Variants in RBFOX1 observed in about 807,000 individuals in gnomAD.
RBFOX1 encodes the protein RNA binding fox-1 homolog 1.
Under a neutral mutation model 57.7 loss-of-function variants are expected in RBFOX1, and 8 were observed. The observed-to-expected ratio is 0.14, with a 90% CI of 0.08 to 0.25. The LOEUF (loss-of-function observed/expected upper bound fraction) is 0.25. Among genes scored for constraint, RBFOX1 ranks in the 10% least tolerant of loss-of-function variants. The pLI is 1.00. For missense variants in RBFOX1, 611 were observed against 548.5 expected (o/e 1.11, Z -1.14); for synonymous variants, 326 against 222.4 (o/e 1.47, Z -4.15).
chr16:7,702,692 A>T (rs766327262), intron 14 of RBFOX1, among the ~76,000 whole-genome samples: 2 of 152,254 alleles, frequency 1.3e-5, no homozygotes, highest in African/African-American at 4.8e-5. Flanking sequence ...AGCCCCTGAG[A>T]ATTGCTGAAA....
chr16:6,697,908 C>G (rs570910213), intron 3 of RBFOX1, among the ~76,000 whole-genome samples: 6 of 152,252 alleles, frequency 3.9e-5, no homozygotes, highest in South Asian at 2.1e-4. Flanking sequence ...GGCCAGAAGA[C>G]CAAAAGTCTC....
At chr16:5,874,432 G>C (rs886558935) in intron 4 of RBFOX1, among the ~76,000 whole-genome samples, 3 of 152,178 alleles carry the variant, frequency 2.0e-5, no homozygotes, top group Non-Finnish European at 2.9e-5. Flanking sequence ...GTGTTCTTGA[G>C]GCTGTTGTGT....
intron 1 of RBFOX1, among the ~76,000 whole-genome samples, chr16:5,436,464 A>G (rs574146799): frequency 6.6e-6 from 1 of 152,212 alleles, no homozygotes; most frequent in African/African-American, 2.4e-5. Flanking sequence ...ATTACTAAGA[A>G]GTACTTCTCT....
intron 2 of RBFOX1, among the ~76,000 whole-genome samples, chr16:6,395,448 A>G (rs2092786624): frequency 6.6e-6 from 1 of 152,148 alleles, no homozygotes; most frequent in Non-Finnish European, 1.5e-5. Flanking sequence ...ATGGCTCTGT[A>G]ACTTTCTACC....
At chr16:5,435,183 C>T (rs760939585) in intron 1 of RBFOX1, among the ~76,000 whole-genome samples, 5 of 152,222 alleles carry the variant, frequency 3.3e-5, no homozygotes, top group African/African-American at 7.2e-5. Context: ...CCCCTGTTTA[C>T]GCTCTTGGTG....
intron 3 of RBFOX1, among the ~76,000 whole-genome samples, chr16:7,040,571 A>C (rs899773784): frequency 3.3e-5 from 5 of 152,166 alleles, no homozygotes; most frequent in Non-Finnish European, 7.4e-5. Flanking sequence ...CTTCTTCTCC[A>C]CTATTGGTCT....
intron 5 of RBFOX1, among the ~76,000 whole-genome samples, chr16:7,530,740 G>C (rs1379598572): frequency 6.6e-6 from 1 of 152,204 alleles, no homozygotes; most frequent in Non-Finnish European, 1.5e-5. Context: ...CTAGGTCCAA[G>C]TGACTGTACA....
intron 1 of RBFOX1, among the ~76,000 whole-genome samples, chr16:6,094,142 C>G (rs895708952): frequency 2.0e-5 from 3 of 152,130 alleles, no homozygotes; most frequent in African/African-American, 7.2e-5. Flanking sequence ...CCAGTTTTGA[C>G]CTGAGCTTTG....
chr16:7,572,946 CCA>C lies in RBFOX1; in HGVS notation c.271-6828_271-6827del, dbSNP rs370923971. ...TAGAGGGTTTCAGTGAACAGAAAAGCCACAGTCTCTGCTCTCCTCGAGTTACA... is the reference window on the plus strand; with the variant it reads ...TAGAGGGTTTCAGTGAACAGAAAAGCCAGTCTCTGCTCTCCTCGAGTTACA... On this transcript the variant is annotated intron_variant, in intron 5 of 15. Coordinates refer to ENST00000550418, the MANE Select transcript of RBFOX1 (RefSeq NM_018723.4). 6.9e-3 allele frequency among the ~76,000 whole-genome samples: 1,056 copies of C among 152,160 alleles called. 11 individuals carry two copies. The highest frequency in any genetic ancestry group is 0.023 in the African/African-American group (965 of 41,488).
intron 1 of RBFOX1, among the ~76,000 whole-genome samples, chr16:6,028,852 T>G (rs1381552200): frequency 6.6e-6 from 1 of 152,190 alleles, no homozygotes. Context: ...TTGAGAAGAC[T>G]GAATTCCCTG....
chr16:5,694,764 T>C (rs1188923448), intron 3 of RBFOX1, among the ~76,000 whole-genome samples: 1 of 151,650 alleles, frequency 6.6e-6, no homozygotes, highest in Non-Finnish European at 1.5e-5. Flanking sequence ...TCTGCTCTTC[T>C]GCTTGATTTT....
chr16:7,071,728 A>T (rs1018991718), intron 4 of RBFOX1, among the ~76,000 whole-genome samples: 1 of 152,118 alleles, frequency 6.6e-6, no homozygotes, highest in Non-Finnish European at 1.5e-5. Context: ...ATACACAAAA[A>T]GTTACTGTTT....
chr16:5,245,867 G>T (rs2062286396), intron 1 of RBFOX1, among the ~76,000 whole-genome samples: 1 of 152,244 alleles, frequency 6.6e-6, no homozygotes, highest in South Asian at 2.1e-4. Context: ...TGGGTAAGGA[G>T]ACTATTTTGA....
chr16:6,122,185 C>T (rs1207406461), intron 1 of RBFOX1, among the ~76,000 whole-genome samples: 6 of 152,028 alleles, frequency 3.9e-5, no homozygotes, highest in Non-Finnish European at 7.4e-5. Context: ...GGATTACAGG[C>T]GTGAGCCACT....
At chr16:7,115,897 T>G (rs985231088) in intron 4 of RBFOX1, among the ~76,000 whole-genome samples, 10 of 152,198 alleles carry the variant, frequency 6.6e-5, no homozygotes, top group African/African-American at 2.4e-4. Flanking sequence ...AAGCATAAAA[T>G]AGCAGTGATG....
At chr16:7,466,003 T>A (rs1011753632) in intron 4 of RBFOX1, among the ~76,000 whole-genome samples, 1 of 152,186 alleles carries the variant, frequency 6.6e-6, no homozygotes, top group South Asian at 2.1e-4. Context: ...CGTTCCAGTT[T>A]TAAGTAGAAA....
chr16:7,186,624 A>G (rs539358106), intron 4 of RBFOX1, among the ~76,000 whole-genome samples: 1 of 138,370 alleles, frequency 7.2e-6, no homozygotes, highest in Non-Finnish European at 1.6e-5. Flanking sequence ...AAACATATTT[A>G]TATAAATATA....
At chr16:5,808,545 C>T (rs936442391) in intron 3 of RBFOX1, among the ~76,000 whole-genome samples, 2 of 152,154 alleles carry the variant, frequency 1.3e-5, no homozygotes, top group Non-Finnish European at 2.9e-5. Flanking sequence ...TTCTTCCTAC[C>T]CATGATCATG....
chr16:5,719,293 C>G (rs547803785), intron 3 of RBFOX1, among the ~76,000 whole-genome samples: 4 of 151,398 alleles, frequency 2.6e-5, no homozygotes, highest in South Asian at 2.1e-4. Context: ...GCTCCGCCCC[C>G]CTGGTTCACG....
Sources: allele counts gnomAD v4.1 joint callset (sites outside exome capture counted in the v4.1 genomes callset), GRCh38; gene constraint gnomAD v4.1.1; transcripts MANE v1.5; gene names NCBI Gene and HGNC (gene_info 2026-07-23, HGNC 2026-07-21).